Variants in CREB5 observed in about 807,000 individuals in gnomAD.
The protein encoded by CREB5 is cAMP responsive element binding protein 5.
A neutral mutation model predicts 57.1 loss-of-function variants in CREB5; 19 were observed. The observed-to-expected ratio is 0.33, with a 90% CI of 0.23 to 0.49. The LOEUF is 0.49. Ranked by LOEUF, CREB5 falls within the 20% of genes least tolerant of loss-of-function variation. The probability of loss-of-function intolerance (pLI) is 0.99; values close to 1 mark genes in which losing one functional copy is unlikely to be tolerated. For synonymous variants in CREB5, 238 were observed against 238.3 expected, an observed-to-expected ratio of 1.00 and a Z score of 0.01; for missense variants, 579 against 671.6, an observed-to-expected ratio of 0.86 and a Z score of 1.52.
At chr7:28,393,801 G>A (rs1318948050) in intron 1 of CREB5, among the ~76,000 whole-genome samples, 4 of 152,028 alleles carry the variant, frequency 2.6e-5, no homozygotes, top group East Asian at 3.9e-4. Context: ...GGGACTGGGC[G>A]CGGTGGCTCA....
At chr7:28,676,740 A>G (rs1800340772) in intron 5 of CREB5, among the ~76,000 whole-genome samples, 1 of 152,174 alleles carries the variant, frequency 6.6e-6, no homozygotes, top group Non-Finnish European at 1.5e-5. Flanking sequence ...GTCGTGGTAG[A>G]TGGGTACCTT....
At chr7:28,325,120 C>G (rs1472777542) in intron 1 of CREB5, among the ~76,000 whole-genome samples, 2 of 152,178 alleles carry the variant, frequency 1.3e-5, no homozygotes, top group South Asian at 2.1e-4. Flanking sequence ...CACTTATACA[C>G]TTATAGTCCT....
At chr7:28,810,697 A>AAAT (rs1554302667) in intron 9 of CREB5, among the ~76,000 whole-genome samples, 5 of 151,240 alleles carry the variant, frequency 3.3e-5, no homozygotes, top group Non-Finnish European at 7.4e-5. Context: ...CTGTCTCAAA[A>AAAT]AAATAAATAA....
chr7:28,793,614 G>C (rs899305611), intron 7 of CREB5, among the ~76,000 whole-genome samples: 5 of 152,188 alleles, frequency 3.3e-5, no homozygotes, highest in Non-Finnish European at 7.3e-5. Context: ...TCTGGGAATG[G>C]AGCAAAGGAC....
At chr7:28,450,943 G>A (rs1159292942) in intron 1 of CREB5, among the ~76,000 whole-genome samples, 2 of 152,176 alleles carry the variant, frequency 1.3e-5, no homozygotes, top group East Asian at 1.9e-4. Context: ...ACCATTTGCA[G>A]GTCTAGAAGG....
chr7:28,309,622 A>AT (rs557291099), intron 1 of CREB5, among the ~76,000 whole-genome samples: 2 of 152,178 alleles, frequency 1.3e-5, no homozygotes, highest in Non-Finnish European at 2.9e-5. Flanking sequence ...TGCCAATGCC[A>AT]GGAGAGCCCA....
intron 7 of CREB5, among the ~76,000 whole-genome samples, chr7:28,737,551 A>G (rs867665656): frequency 3.8e-4 from 9 of 23,850 alleles, no homozygotes; most frequent in Admixed American, 9.6e-4. Context: ...ATATATATAT[A>G]TATATATATA....
chr7:28,780,685 G>T (rs1806922605), intron 7 of CREB5, among the ~76,000 whole-genome samples: 1 of 152,148 alleles, frequency 6.6e-6, no homozygotes, highest in African/African-American at 2.4e-5. Flanking sequence ...TCGTGTAATT[G>T]CACTCCAGCC....
At chr7:28,373,082 C>T (rs1366505995) in intron 1 of CREB5, among the ~76,000 whole-genome samples, 6 of 152,154 alleles carry the variant, frequency 3.9e-5, no homozygotes, top group African/African-American at 7.2e-5. Flanking sequence ...TTAAATGCAG[C>T]GTCTGGACTC....
chr7:28,686,340 C>T, intron 5 of CREB5: 2 of 652,794 alleles, frequency 3.1e-6, no homozygotes, highest in South Asian at 1.9e-5. Flanking sequence ...TTTGTTTCTC[C>T]TCTTCTTCCT....
chr7:28,313,728 C>A (rs527535512), intron 1 of CREB5, among the ~76,000 whole-genome samples: 2 of 152,288 alleles, frequency 1.3e-5, no homozygotes, highest in East Asian at 1.9e-4. Context: ...CAACTCAATA[C>A]CCCTTCACGG....
chr7:28,774,032 A>C (rs1454844527), intron 7 of CREB5, among the ~76,000 whole-genome samples: 1 of 152,172 alleles, frequency 6.6e-6, no homozygotes, highest in Non-Finnish European at 1.5e-5. Flanking sequence ...TTAACTAATA[A>C]ACTTGTAGAG....
intron 5 of CREB5, among the ~76,000 whole-genome samples, chr7:28,712,543 T>TTATTATTATTATTATTATTATTATTAG (rs1802454297): frequency 6.7e-6 from 1 of 149,906 alleles, no homozygotes. Flanking sequence ...ATTATTATTA[T>TTATTATTATTATTATTATTATTATTAG]TATTTTCTGA....
At chr7:28,798,908 A>C (rs1157424158) in intron 7 of CREB5, among the ~76,000 whole-genome samples, 3 of 152,348 alleles carry the variant, frequency 2.0e-5, no homozygotes, top group African/African-American at 7.2e-5. Context: ...ATTTAAAACA[A>C]GACACAGTCC....
chr7:28,549,439 A>G (rs896155113), intron 4 of CREB5, among the ~76,000 whole-genome samples: 1 of 152,248 alleles, frequency 6.6e-6, no homozygotes, highest in Non-Finnish European at 1.5e-5. Context: ...AAATTTACAA[A>G]GAATGGGAAT....
intron 5 of CREB5, among the ~76,000 whole-genome samples, chr7:28,668,249 CT>C (rs1799901366): frequency 6.6e-6 from 1 of 151,970 alleles, no homozygotes; most frequent in South Asian, 2.1e-4. Flanking sequence ...TAGCTTAATG[CT>C]AAAAGATATA....
chr7:28,678,088 T>C (rs1165250409), intron 5 of CREB5, among the ~76,000 whole-genome samples: 1 of 152,200 alleles, frequency 6.6e-6, no homozygotes, highest in East Asian at 1.9e-4. Context: ...ACTTTTCCTC[T>C]TGTAAGAATG....
In CREB5 at chr7:28,551,171, GAAA is replaced by G. The variant is rs5883148; in HGVS notation, c.292-19182_292-19180del. 8.0e-3 allele frequency among the ~76,000 whole-genome samples: 1,194 copies of G among 149,374 alleles called. 9 individuals carry two copies. The highest frequency in any genetic ancestry group is 0.01 in the Non-Finnish European group (701 of 67,298). On this transcript the variant is annotated intron_variant, in intron 4 of 10. Transcript: ENST00000357727. Reference sequence around the variant, plus strand: ...TTCAAGTATTATATTCTTGGGATAGGAAAAAAAAAAAAAATCAGTATAATCTCC... The same window carrying G: ...TTCAAGTATTATATTCTTGGGATAGGAAAAAAAAAAATCAGTATAATCTCC...
intron 5 of CREB5, among the ~76,000 whole-genome samples, chr7:28,606,150 G>A (rs754043525): frequency 1.2e-4 from 18 of 152,116 alleles, no homozygotes; most frequent in Non-Finnish European, 2.2e-4. Flanking sequence ...GTAACATTTT[G>A]ATAGCAACCA....
Sources: allele counts gnomAD v4.1 joint callset (sites outside exome capture counted in the v4.1 genomes callset), GRCh38; gene constraint gnomAD v4.1.1; transcripts MANE v1.5; gene names NCBI Gene and HGNC (gene_info 2026-07-23, HGNC 2026-07-21).